The following BCLAF3 variants were observed in gnomAD, a reference collection of about 807,000 sequenced individuals.
BCLAF3 encodes BCLAF1 and THRAP3 family member 3, also known as transient octamer binding factor 1.
Under a neutral mutation model 51.2 loss-of-function variants are expected in BCLAF3, and 24 were observed. The observed-to-expected ratio is 0.47, with a 90% CI of 0.34 to 0.66. BCLAF3 has a LOEUF of 0.66. BCLAF3 is among the 30% of genes least tolerant of loss of function. The pLI, the probability that BCLAF3 is intolerant of heterozygous loss-of-function variation, is 0.01. For missense variants in BCLAF3, 465 were observed against 525.1 expected, an observed-to-expected ratio of 0.89 and a Z score of 1.12; for synonymous variants, 152 against 176.6, an observed-to-expected ratio of 0.86 and a Z score of 1.10.
At chrX:19,939,504 A>T (rs1449378893) in intron 8 of BCLAF3, among the ~76,000 whole-genome samples, 1 of 112,170 alleles carries the variant, frequency 8.9e-6, no homozygotes, top group Non-Finnish European at 1.9e-5. Flanking sequence ...CAATAAGCAC[A>T]TAGAAAGATG....
chrX:19,918,433 T>C (rs1436332912), intron 11 of BCLAF3, among the ~76,000 whole-genome samples: 1 of 110,394 alleles, frequency 9.1e-6, no homozygotes, highest in Non-Finnish European at 1.9e-5. Context: ...AAATGTGTGA[T>C]TATTTTGAGT....
At chrX:19,985,210 T>C (rs2072758116) in intron 1 of BCLAF3, 1 of 111,198 alleles carries the variant, frequency 9.0e-6, no homozygotes, top group South Asian at 3.7e-4. Context: ...AGAGGAAAAT[T>C]CATTGCACTA....
intron 11 of BCLAF3, among the ~76,000 whole-genome samples, chrX:19,921,068 T>C (rs1012460578): frequency 4.5e-5 from 5 of 111,448 alleles, no homozygotes; most frequent in Non-Finnish European, 9.4e-5. Flanking sequence ...AAATACAGTA[T>C]GCTCCAAAAA....
At chrX:19,979,267 A>C (rs1447773891) in intron 1 of BCLAF3, among the ~76,000 whole-genome samples, 3 of 109,694 alleles carry the variant, frequency 2.7e-5, no homozygotes, top group Non-Finnish European at 5.7e-5. Context: ...ACCCCCTCCC[A>C]AAAAAAATTG....
intron 2 of BCLAF3, among the ~76,000 whole-genome samples, chrX:19,968,490 C>T (rs1251343526): frequency 8.8e-6 from 1 of 113,117 alleles, no homozygotes; most frequent in Non-Finnish European, 1.9e-5. Context: ...TGTACTATAA[C>T]CCCACTGCCT....
chrX:19,950,909 T>G (rs1431715800), intron 7 of BCLAF3, 41 bp from the exon 8 acceptor site: 2 of 947,375 alleles, frequency 2.1e-6, no homozygotes, highest in South Asian at 4.0e-5. Context: ...CACATTACTT[T>G]TAGTTGCACA....
intron 4 of BCLAF3, among the ~76,000 whole-genome samples, chrX:19,964,018 T>C (rs916379151): frequency 1.1e-4 from 12 of 111,826 alleles, no homozygotes; most frequent in African/African-American, 3.6e-4. Flanking sequence ...AGCAAGACCT[T>C]GTCTCAAAAG....
intron 8 of BCLAF3, among the ~76,000 whole-genome samples, chrX:19,949,688 A>C (rs2071415706): frequency 8.9e-6 from 1 of 112,483 alleles, no homozygotes; most frequent in African/African-American, 3.2e-5. Flanking sequence ...TTCTGAATTT[A>C]TTGTCAGCAT....
chrX:19,985,479 G>C (rs183623560), intron 1 of BCLAF3, among the ~76,000 whole-genome samples: 1 of 110,679 alleles, frequency 9.0e-6, no homozygotes, highest in Non-Finnish European at 1.9e-5. Flanking sequence ...CTAGCTTCTC[G>C]GGAGGTTGAG....
intron 2 of BCLAF3, 126 bp downstream of exon 2, chrX:19,970,098 T>C (rs763485738): frequency 3.2e-4 from 176 of 547,342 alleles, no homozygotes; most frequent in Non-Finnish European, 5.3e-4. Flanking sequence ...AAATACAACC[T>C]CCACTATGAT....
chrX:19,931,039 G>C (rs771000093), intron 10 of BCLAF3, among the ~76,000 whole-genome samples: 1 of 112,076 alleles, frequency 8.9e-6, no homozygotes, highest in African/African-American at 3.2e-5. Context: ...CTTTATTCCT[G>C]TTAATACCTT....
chrX:19,937,981 A>T (rs997495249), intron 8 of BCLAF3, among the ~76,000 whole-genome samples: 3 of 111,619 alleles, frequency 2.7e-5, no homozygotes, highest in Non-Finnish European at 3.8e-5. Flanking sequence ...AAGGTGTATG[A>T]CTGGCTCAGG....
chrX:19,958,045 T>C (rs1368377387), intron 4 of BCLAF3, among the ~76,000 whole-genome samples: 1 of 112,044 alleles, frequency 8.9e-6, no homozygotes, highest in Non-Finnish European at 1.9e-5. Flanking sequence ...TGTTCTCATT[T>C]GAGATGCATT....
rs1187251005 is a variant in BCLAF3 at position 19,915,022 on chromosome X, C to G, written c.*2283G>C. 9.1e-6 allele frequency: 1 copy of G among 109,386 alleles called. No homozygotes were observed. Among genetic ancestry groups the G allele is most frequent in the East Asian group, 2.9e-4 (1 of 3,421 alleles). The allele number at this position is 109,386 out of a possible 1,213,427, so 9.0% of individuals were successfully genotyped here. ...CACAGCAGGGACTGTGTCTTATTAT[C>G]TTTGTCTTCCCAGTACCAGCGAAGG... On this transcript the variant is annotated 3_prime_UTR_variant, in exon 12 of 12. Transcript: ENST00000379682.
At chrX:19,925,948 G>A (rs190988052) in intron 11 of BCLAF3, among the ~76,000 whole-genome samples, 1 of 111,613 alleles carries the variant, frequency 9.0e-6, no homozygotes, top group East Asian at 2.8e-4. Flanking sequence ...TAGGAGAGTG[G>A]AGCCCAGCTG....
rs1026327679 is a variant in BCLAF3 at position 19,915,997 on chromosome X, C to A, written c.*1308G>T. The A allele has an allele frequency of 1.8e-5, 2 of 111,637 alleles. No individual in the cohort carries two copies. Among genetic ancestry groups the A allele is most frequent in the Non-Finnish European group, 3.8e-5 (2 of 53,034 alleles). The allele number at this position is 111,637 out of a possible 1,213,427, so 9.2% of individuals were successfully genotyped here. On this transcript the variant is annotated 3_prime_UTR_variant, in exon 12 of 12. Coordinates refer to ENST00000379682, the MANE Select transcript of BCLAF3 (RefSeq NM_001367774.2). ...AGCAATGAATCAAGTGCACTTGCCC[C>A]CCTTATCATGAACTCACTTAAGGAA...
intron 1 of BCLAF3, among the ~76,000 whole-genome samples, chrX:19,981,361 CA>C (rs367697948): frequency 8.1e-5 from 9 of 110,620 alleles, no homozygotes; most frequent in South Asian, 3.7e-4. Flanking sequence ...ATTGCTGCTA[CA>C]AAAAAAATCA....
chrX:19,953,137 T>C, intron 6 of BCLAF3, 86 bp from the exon 7 acceptor site: 3 of 774,779 alleles, frequency 3.9e-6, no homozygotes, highest in Non-Finnish European at 5.6e-6. Context: ...GAATTTGAAA[T>C]AAAGCTAGTA....
At chrX:19,945,229 G>T (rs1479480387) in intron 8 of BCLAF3, among the ~76,000 whole-genome samples, 1 of 108,294 alleles carries the variant, frequency 9.2e-6, no homozygotes, top group African/African-American at 3.4e-5. Flanking sequence ...ATGTCCTCCC[G>T]TAGCTCAGAG....
Sources: allele counts gnomAD v4.1 joint callset (sites outside exome capture counted in the v4.1 genomes callset), GRCh38; gene constraint gnomAD v4.1.1; transcripts MANE v1.5; gene names NCBI Gene and HGNC (gene_info 2026-07-23, HGNC 2026-07-21).